Variants in NTM observed in about 807,000 individuals in gnomAD.
NTM encodes neurotrimin.
NTM carries 13 observed loss-of-function variants against 42.1 expected under a neutral mutation model. That is an observed-to-expected ratio of 0.31 (90% CI 0.20 to 0.49). The LOEUF (loss-of-function observed/expected upper bound fraction) is 0.49. Ranked by LOEUF, NTM falls within the 20% of genes least tolerant of loss-of-function variation. The pLI is 0.99. For synonymous variants in NTM, 187 were observed against 179.2 expected (o/e 1.04, Z -0.35); for missense variants, 373 against 452.8 (o/e 0.82, Z 1.60).
intron 4 of NTM, among the ~76,000 whole-genome samples, chr11:132,241,266 A>G (rs1028390831): frequency 2.0e-5 from 3 of 152,230 alleles, no homozygotes; most frequent in African/African-American, 7.2e-5. Flanking sequence ...GTAAACTTTA[A>G]TATATGTATT....
intron 2 of NTM, among the ~76,000 whole-genome samples, chr11:131,917,791 C>T (rs530342125): frequency 1.7e-4 from 26 of 152,340 alleles, no homozygotes; most frequent in Non-Finnish European, 2.4e-4. Context: ...GCCAGGCATC[C>T]GGCTGGTGTC....
chr11:131,435,515 A>G (rs1038380488), intron 1 of NTM, among the ~76,000 whole-genome samples: 1 of 152,118 alleles, frequency 6.6e-6, no homozygotes, highest in African/African-American at 2.4e-5. Context: ...CATCCCTTGT[A>G]AGTTGGATTC....
chr11:131,650,761 T>A (rs114953282), intron 1 of NTM, among the ~76,000 whole-genome samples: 2,454 of 152,098 alleles, frequency 0.016, 62 homozygotes, highest in African/African-American at 0.056. Context: ...GAAAAAAAAA[T>A]ACCAAATTTA....
intron 1 of NTM, among the ~76,000 whole-genome samples, chr11:131,385,916 G>GA (rs1257185759): frequency 6.6e-6 from 1 of 151,996 alleles, no homozygotes; most frequent in Non-Finnish European, 1.5e-5. Flanking sequence ...CAGTGAATTG[G>GA]AAAAAAATAA....
At chr11:132,237,706 G>T (rs1214497464) in intron 4 of NTM, among the ~76,000 whole-genome samples, 1 of 152,110 alleles carries the variant, frequency 6.6e-6, no homozygotes, top group Non-Finnish European at 1.5e-5. Context: ...GTCCTCCCCT[G>T]TAAATCAGAA....
chr11:132,041,229 GAT>G (rs1479457300), intron 2 of NTM, among the ~76,000 whole-genome samples: 33 of 90,616 alleles, frequency 3.6e-4, no homozygotes, highest in South Asian at 2.9e-3. Flanking sequence ...GAGAGAGATA[GAT>G]AGAGAGAGAG....
rs143698929 is a variant in NTM, at chr11:132,073,655, C to CA, written c.168-72625dup. Among the ~76,000 whole-genome samples, 784 of 152,298 alleles carry CA rather than the reference C, an allele frequency of 5.1e-3. 11 individuals are homozygous for CA. The highest frequency in any genetic ancestry group is 0.018 in the African/African-American group (762 of 41,564). On this transcript the variant is annotated intron_variant, in intron 2 of 8. Transcript: ENST00000683400. ...AACTCACCAAACTAACCATTATGGT[C>CA]AATTTCATTTTGAAATAAAGCACCC...
chr11:131,415,872 T>G (rs1395048484), intron 1 of NTM, among the ~76,000 whole-genome samples: 1 of 152,208 alleles, frequency 6.6e-6, no homozygotes, highest in Non-Finnish European at 1.5e-5. Context: ...CTCATTGTCT[T>G]TATGTGTTTA....
At chr11:132,123,126 C>T (rs2065116165) in intron 2 of NTM, among the ~76,000 whole-genome samples, 1 of 152,158 alleles carries the variant, frequency 6.6e-6, no homozygotes, top group Non-Finnish European at 1.5e-5. Flanking sequence ...TCTTTTCTCT[C>T]ATCTGCAATG....
At chr11:132,037,660 T>C (rs1421810504) in intron 2 of NTM, among the ~76,000 whole-genome samples, 2 of 152,178 alleles carry the variant, frequency 1.3e-5, no homozygotes, top group Non-Finnish European at 2.9e-5. Context: ...GAAAGGTGCT[T>C]GCATGCCCTC....
intron 1 of NTM, among the ~76,000 whole-genome samples, chr11:131,843,825 T>C (rs976949556): frequency 3.9e-5 from 6 of 152,224 alleles, no homozygotes; most frequent in African/African-American, 1.2e-4. Flanking sequence ...TTCCTCTTAG[T>C]GAATTGCCTA....
chr11:132,133,843 G>T (rs557718117), intron 2 of NTM, among the ~76,000 whole-genome samples: 1 of 151,968 alleles, frequency 6.6e-6, no homozygotes, highest in Non-Finnish European at 1.5e-5. Flanking sequence ...CCTGCCATTC[G>T]GCTCTGCTTA....
chr11:131,652,885 C>T (rs956002946), intron 1 of NTM, among the ~76,000 whole-genome samples: 5 of 152,340 alleles, frequency 3.3e-5, no homozygotes, highest in South Asian at 2.1e-4. Flanking sequence ...GCGGTCACTC[C>T]GCCTTCAGAA....
intron 1 of NTM, among the ~76,000 whole-genome samples, chr11:131,461,156 C>A (rs913540440): frequency 4.6e-5 from 7 of 152,172 alleles, no homozygotes; most frequent in South Asian, 4.1e-4. Context: ...GCCTGTGAAC[C>A]AGAATCTACG....
chr11:132,281,126 T>G (rs900079877), intron 4 of NTM, among the ~76,000 whole-genome samples: 7 of 152,198 alleles, frequency 4.6e-5, no homozygotes, highest in Admixed American at 3.9e-4. Context: ...GGAGCATCAC[T>G]CCTTCAGTAA....
At chr11:131,713,119 TC>T (rs1434550159) in intron 1 of NTM, among the ~76,000 whole-genome samples, 45 of 152,192 alleles carry the variant, frequency 3.0e-4, no homozygotes, top group African/African-American at 9.6e-4. Context: ...GAATTTAGTC[TC>T]TCATTGTAGG....
chr11:131,784,005 A>G (rs894560403), intron 1 of NTM, among the ~76,000 whole-genome samples: 3 of 152,222 alleles, frequency 2.0e-5, no homozygotes, highest in African/African-American at 7.2e-5. Context: ...CCAAAGGCCA[A>G]TGAGAAAGAT....
At chr11:132,288,239 G>T (rs111994407) in intron 4 of NTM, among the ~76,000 whole-genome samples, 2 of 152,126 alleles carry the variant, frequency 1.3e-5, no homozygotes, top group Admixed American at 1.3e-4. Flanking sequence ...GCCAAGACAC[G>T]TGCAGGCTTA....
chr11:131,910,503 C>A (rs2054608131), intron 1 of NTM, among the ~76,000 whole-genome samples: 1 of 151,542 alleles, frequency 6.6e-6, no homozygotes, highest in South Asian at 2.1e-4. Flanking sequence ...GATGAGAGCG[C>A]AGTCCGCGCC....
Sources: gnomAD v4.1 joint callset for allele counts (sites outside exome capture counted in the v4.1 genomes callset) on GRCh38, gnomAD v4.1.1 for gene constraint, MANE v1.5 for transcripts, NCBI Gene and HGNC (gene_info 2026-07-23, HGNC 2026-07-21) for gene names.